SLAIN1: variants seen among roughly 807,000 people sequenced by gnomAD.
The protein encoded by SLAIN1 is SLAIN motif-containing protein 1.
SLAIN1 carries 17 observed loss-of-function variants against 55.4 expected under a neutral mutation model. The ratio of observed to expected loss-of-function variants is 0.31; its 90% CI spans 0.21 to 0.46. The LOEUF is 0.46. Ranked by LOEUF, SLAIN1 falls within the 20% of genes least tolerant of loss-of-function variation. SLAIN1 has a pLI of 1.00. For missense variants in SLAIN1, 682 were observed against 785.1 expected, an observed-to-expected ratio of 0.87 and a Z score of 1.57; for synonymous variants, 348 against 337.4, an observed-to-expected ratio of 1.03 and a Z score of -0.35.
chr13:77,758,796 T>TA (rs1417462152), intron 5 of SLAIN1, among the ~76,000 whole-genome samples: 2 of 152,312 alleles, frequency 1.3e-5, no homozygotes, highest in African/African-American at 4.8e-5. Context: ...TGCCTATTTT[T>TA]ATAGCAGTAC....
chr13:77,698,589 G>A lies in SLAIN1; in HGVS notation c.626+50G>A, dbSNP rs1336183234. ...CCGAGACCCTGGCCTCGGGGGCTTC[G>A]GGCACCGGGGAGCGGGGGCGGGGGG... On this transcript the variant is annotated intron_variant, in intron 1 of 6. Coordinates refer to ENST00000418532, the MANE Select transcript of SLAIN1 (RefSeq NM_001242868.2). This position sits in a 1 kb window ranked among gnomAD's most constrained non-coding sequence, Gnocchi z 4.1. The A allele has an allele frequency of 1.5e-6, 2 of 1,350,764 alleles. No individual in the cohort carries two copies. The highest frequency in any genetic ancestry group is 9.5e-7 in the Non-Finnish European group (1 of 1,056,042). 83.7% of individuals were successfully genotyped at this position (1,350,764 alleles called of 1,614,324 possible). A position where few individuals can be genotyped will look rare whatever the true frequency, so the allele number is the denominator to read the frequency against.
At chr13:77,750,369 C>T (rs966080073) in intron 4 of SLAIN1, among the ~76,000 whole-genome samples, 2 of 152,032 alleles carry the variant, frequency 1.3e-5, no homozygotes, top group African/African-American at 4.8e-5. Context: ...TAATTATGTT[C>T]CTGTGCCTCC....
chr13:77,752,804 C>T (rs1306017063), intron 4 of SLAIN1, among the ~76,000 whole-genome samples: 1 of 152,150 alleles, frequency 6.6e-6, no homozygotes, highest in Non-Finnish European at 1.5e-5. Flanking sequence ...GAAGTCTGCT[C>T]CTTCTGCATT....
intron 1 of SLAIN1, among the ~76,000 whole-genome samples, chr13:77,715,002 G>A (rs1193721533): frequency 6.6e-6 from 1 of 152,020 alleles, no homozygotes; most frequent in Non-Finnish European, 1.5e-5. Context: ...TGAGTAGCTG[G>A]GATTACAGGT....
chr13:77,734,683 C>T (rs1873030370), intron 2 of SLAIN1, among the ~76,000 whole-genome samples: 1 of 152,144 alleles, frequency 6.6e-6, no homozygotes, highest in African/African-American at 2.4e-5. Context: ...AAAACTCCTA[C>T]AGAATCTTTT....
intron 2 of SLAIN1, among the ~76,000 whole-genome samples, chr13:77,736,792 C>T (rs1299540803): frequency 7.0e-6 from 1 of 143,734 alleles, no homozygotes; most frequent in East Asian, 2.0e-4. Context: ...CTGCATTAGT[C>T]TTTTTTTTTT....
intron 2 of SLAIN1, among the ~76,000 whole-genome samples, chr13:77,740,522 C>T (rs1221758688): frequency 1.9e-5 from 2 of 107,028 alleles, no homozygotes; most frequent in Non-Finnish European, 3.9e-5. Flanking sequence ...TCCAAGTTTG[C>T]GAACCGCCCC....
chr13:77,714,027 TG>T (rs1283470348), intron 1 of SLAIN1, among the ~76,000 whole-genome samples: 1 of 129,444 alleles, frequency 7.7e-6, no homozygotes, highest in Non-Finnish European at 1.6e-5. Context: ...TGTCGAGGGG[TG>T]GGGGGCTAGG....
chr13:77,710,753 A>C (rs2091140595), intron 1 of SLAIN1, among the ~76,000 whole-genome samples: 3 of 152,238 alleles, frequency 2.0e-5, no homozygotes, highest in Admixed American at 2.0e-4. Context: ...AGACATCTAC[A>C]GAACTCTCCA....
intron 2 of SLAIN1, among the ~76,000 whole-genome samples, chr13:77,724,537 A>G (rs904698640): frequency 4.6e-5 from 7 of 152,180 alleles, no homozygotes; most frequent in African/African-American, 1.4e-4. Flanking sequence ...TTTATAAGAG[A>G]ATAGGGAGGA....
chr13:77,727,696 T>C (rs1164484010), intron 2 of SLAIN1, among the ~76,000 whole-genome samples: 1 of 152,162 alleles, frequency 6.6e-6, no homozygotes, highest in Non-Finnish European at 1.5e-5. Flanking sequence ...AGTTTTCACC[T>C]TAATAGTTAT....
At position 77,763,984 on chromosome 13, in the gene SLAIN1, C is replaced by T. The variant is rs904684839; in HGVS notation, c.*764C>T. 6.6e-6 allele frequency: 1 copy of T among 152,510 alleles called. No homozygotes were observed. Among genetic ancestry groups the T allele is most frequent in the Admixed American group, 6.5e-5 (1 of 15,276 alleles). The allele number at this position is 152,510 out of a possible 1,614,324, so 9.4% of individuals were successfully genotyped here. ...CATCATGAGCTCATTGCACTTAATA[C>T]CTGCAATGTTTGCTACTGTACCACA... On this transcript the variant is annotated 3_prime_UTR_variant, in exon 7 of 7. Transcript: ENST00000418532.
chr13:77,733,033 T>C (rs1428264226), intron 2 of SLAIN1, among the ~76,000 whole-genome samples: 1 of 152,164 alleles, frequency 6.6e-6, no homozygotes, highest in African/African-American at 2.4e-5. Flanking sequence ...AGATGCCTTA[T>C]CCATTAAGAT....
intron 2 of SLAIN1, among the ~76,000 whole-genome samples, chr13:77,738,351 G>A (rs1443081873): frequency 6.6e-6 from 1 of 151,912 alleles, no homozygotes; most frequent in Admixed American, 6.6e-5. Flanking sequence ...CAGAACCTGG[G>A]TTAGGGAATG....
Position 77,698,411 on chromosome 13 carries a change from G to A in SLAIN1, c.498G>A (p.Pro166=), listed in dbSNP as rs1298979510. 3 of 1,393,040 alleles carry A rather than the reference G, an allele frequency of 2.2e-6. No individual in the cohort carries two copies. The highest frequency in any genetic ancestry group is 2.8e-6 in the Non-Finnish European group (3 of 1,078,398). 86.3% of individuals were successfully genotyped at this position (1,393,040 alleles called of 1,614,324 possible). Residue 166 remains proline, a synonymous_variant, in exon 1 of 7, where the codon CCG becomes CCA. Transcript: ENST00000418532. The surrounding 1 kb of genome is among the most constrained non-coding windows in gnomAD (Gnocchi z 4.1). ...GCGCGGGCGGTGGCGGGCCGGAGCC[G>A]GGGGGCGCGGGGACGCCGCCAGGGG... The part of the protein sequence containing the change: ...FFGAGGGGPE[P]GGAGTPPGAA...
At position 77,763,247 on chromosome 13, in the gene SLAIN1, G is replaced by A; in HGVS notation, c.*27G>A. ...GCAGTTTTATGTACCCTTGAAAAAT[G>A]GGAAAGAAGTAAAAATGAGGGTTGT... is the stretch of plus-strand genomic sequence containing the variant. On this transcript the variant is annotated 3_prime_UTR_variant, in exon 7 of 7. Coordinates refer to ENST00000418532, the MANE Select transcript of SLAIN1 (RefSeq NM_001242868.2). 1.3e-6 allele frequency: 2 copies of A among 1,582,682 alleles called. No homozygotes were observed. Among genetic ancestry groups the A allele is most frequent in the Non-Finnish European group, 1.7e-6 (2 of 1,152,312 alleles).
intron 1 of SLAIN1, among the ~76,000 whole-genome samples, chr13:77,700,433 A>T (rs1005555103): frequency 2.0e-5 from 3 of 152,186 alleles, no homozygotes; most frequent in Non-Finnish European, 4.4e-5. Context: ...TCTTCCTGAA[A>T]ACAAGCCTGA....
At chr13:77,755,907 G>T (rs537159008) in intron 5 of SLAIN1, among the ~76,000 whole-genome samples, 1 of 152,062 alleles carries the variant, frequency 6.6e-6, no homozygotes, top group African/African-American at 2.4e-5. Context: ...CTAAGCCACT[G>T]TTCTTTATGC....
At chr13:77,714,879 A>G (rs1447320521) in intron 1 of SLAIN1, among the ~76,000 whole-genome samples, 1 of 151,784 alleles carries the variant, frequency 6.6e-6, no homozygotes, top group Non-Finnish European at 1.5e-5. Flanking sequence ...GCAACCCCTG[A>G]TCTGTTTTCT....
Sources: allele counts gnomAD v4.1 joint callset (sites outside exome capture counted in the v4.1 genomes callset), GRCh38; gene constraint gnomAD v4.1.1; non-coding constraint Gnocchi (gnomAD v3.1); transcripts MANE v1.5; gene names NCBI Gene and HGNC (gene_info 2026-07-23, HGNC 2026-07-21).